AMPD3: variants seen among roughly 807,000 people sequenced by gnomAD.
AMPD3 encodes the protein adenosine monophosphate deaminase 3.
Under a neutral mutation model 82.3 loss-of-function variants are expected in AMPD3, and 57 were observed. The ratio of observed to expected loss-of-function variants is 0.69; its 90% CI spans 0.56 to 0.86. The LOEUF (loss-of-function observed/expected upper bound fraction) is 0.86, where lower values mean the gene tolerates loss of function less well. Ranked by LOEUF, AMPD3 falls within the 40% of genes least tolerant of loss-of-function variation. AMPD3 has a pLI of 0.00. For synonymous variants in AMPD3, 381 were observed against 394.7 expected (o/e 0.97, Z 0.41); for missense variants, 870 against 1,003.8 (o/e 0.87, Z 1.80).
In AMPD3 at chr11:10,496,431, C is replaced by T. The variant is rs915805952; in HGVS notation, c.1431-381C>T. 5.1e-6 allele frequency: 5 copies of T among 985,352 alleles called. No individual in the cohort carries two copies. The African/African-American group carries it at 7.0e-5, about 14-fold the overall frequency. The allele number at this position is 985,352 out of a possible 1,614,324, so 61.0% of individuals were successfully genotyped here. On this transcript the variant is annotated intron_variant, in intron 9 of 14. Transcript: ENST00000396553. ...CCAGGCGGCTGGCCAGGGTGGAGCC[C>T]ATGGCTCCAGGATGGGCTGGGGTAT... is the stretch of plus-strand genomic sequence containing the variant.
intron 2 of AMPD3, chr11:10,477,804 C>G (rs1848783906): frequency 1.1e-6 from 1 of 904,616 alleles, no homozygotes; most frequent in Admixed American, 6.2e-5. Context: ...TGACTTTGTG[C>G]CAGCCCTTTC....
chr11:10,494,582 G>T (rs1849335332), intron 7 of AMPD3: 3 of 985,276 alleles, frequency 3.0e-6, no homozygotes, highest in Non-Finnish European at 3.6e-6. Flanking sequence ...TGTGAGTAGT[G>T]ATAGGGAATG....
chr11:10,453,077 G>C (rs1198280223), upstream of AMPD3, among the ~76,000 whole-genome samples: 5 of 152,184 alleles, frequency 3.3e-5, no homozygotes, highest in African/African-American at 1.2e-4. Flanking sequence ...AGCTTCCCAA[G>C]TAGCTGGGAT....
intron 9 of AMPD3, 110 bp from the exon 10 acceptor site, chr11:10,496,702 T>C: frequency 6.4e-7 from 1 of 1,568,288 alleles, no homozygotes; most frequent in South Asian, 1.1e-5. Context: ...GACTTGATTC[T>C]GGGTGTTTGA....
At chr11:10,498,957 G>C (rs1208654562) in intron 10 of AMPD3, among the ~76,000 whole-genome samples, 1 of 152,230 alleles carries the variant, frequency 6.6e-6, no homozygotes. Flanking sequence ...CAGCCCCCCA[G>C]GGGTCCCAGC....
At chr11:10,475,341 C>A (rs1036290252) in intron 2 of AMPD3, among the ~76,000 whole-genome samples, 2 of 152,138 alleles carry the variant, frequency 1.3e-5, no homozygotes, top group African/African-American at 4.8e-5. Context: ...CACCTCCCAC[C>A]AGCCCCTACC....
rs1467694745 is a variant in AMPD3 at position 10,497,606 on chromosome 11, A to C, written c.1557+668A>C. 3 of 985,288 alleles carry C rather than the reference A, an allele frequency of 3.0e-6. No individual in the cohort carries two copies. The African/African-American group carries it at 5.2e-5, about 17-fold the overall frequency. 61.0% of individuals were successfully genotyped at this position (985,288 alleles called of 1,614,324 possible). On this transcript the variant is annotated intron_variant, in intron 10 of 14. Transcript: ENST00000396553. Reference sequence around the variant, plus strand: ...CCCGAGGGCTGGGGCACGGGGAAAGAATTGAGTCTGTGTGCCCAGAAAGTG... The same window carrying C: ...CCCGAGGGCTGGGGCACGGGGAAAGCATTGAGTCTGTGTGCCCAGAAAGTG...
In AMPD3 at chr11:10,495,712, T is replaced by C; in HGVS notation, c.1409T>C (p.Ile470Thr). The change falls in exon 9 of 15, where the codon ATC (isoleucine) becomes ACC (threonine). Residue 470 changes from isoleucine (I) to threonine (T), a missense_variant. Coordinates refer to ENST00000396553, the MANE Select transcript of AMPD3 (RefSeq NM_001025389.2). ...GTCTACTCTCCCAACATGCGCTGGA[T>C]CATCCAGGTGCCCCGGATTTAGTAA... ...HKVYSPNMRW[I>T]IQVPRIYDIF... is the part of the protein sequence containing the mutation. 1 of 1,614,128 alleles carries C rather than the reference T, an allele frequency of 6.2e-7. No individual in the cohort carries two copies. The highest frequency in any genetic ancestry group is 8.5e-7 in the Non-Finnish European group (1 of 1,180,026).
At chr11:10,483,228 C>A (rs1848966296) in intron 4 of AMPD3, among the ~76,000 whole-genome samples, 1 of 151,988 alleles carries the variant, frequency 6.6e-6, no homozygotes, top group African/African-American at 2.4e-5. Flanking sequence ...TGAAGCCTTG[C>A]CATGAAGAAC....
chr11:10,496,546 GCCACCATC>G, intron 9 of AMPD3: 1 of 985,404 alleles, frequency 1.0e-6, no homozygotes, highest in Non-Finnish European at 1.2e-6. Context: ...CAGCCAGAAT[GCCACCATC>G]CCATTCCTAG....
rs748797134 is a variant in AMPD3, at chr11:10,482,234, C to T, written c.589+9C>T. On this transcript the variant is annotated intron_variant, in intron 4 of 14. Transcript: ENST00000396553. ...GGAAGAGGGCCTTCCAGGTATGGAG[C>T]TCTGGCTGGAGGTTGGGTCCCAAGT... The T allele has an allele frequency of 4.3e-6, 7 of 1,610,656 alleles. No homozygotes were observed. Among genetic ancestry groups the T allele is most frequent in the Non-Finnish European group, 5.9e-6 (7 of 1,178,842 alleles).
chr11:10,460,395 G>A (rs112386492), intron 1 of AMPD3, among the ~76,000 whole-genome samples: 4,628 of 146,004 alleles, frequency 0.032, 237 homozygotes, highest in African/African-American at 0.11. Flanking sequence ...CACCACACCC[G>A]GCCCCAGAGT....
At chr11:10,460,064 ATT>A (rs988237359) in intron 1 of AMPD3, among the ~76,000 whole-genome samples, 8 of 143,560 alleles carry the variant, frequency 5.6e-5, no homozygotes, top group East Asian at 2.0e-4. Context: ...TATAATATAT[ATT>A]ATATATAATA....
At chr11:10,493,668 T>G (rs886770745) in intron 7 of AMPD3, 125 bp downstream of exon 7, 12 of 1,075,148 alleles carry the variant, frequency 1.1e-5, no homozygotes, top group Non-Finnish European at 1.5e-5. Flanking sequence ...CTCTTCTATC[T>G]GACTGAGAGG....
At chr11:10,465,847 C>T (rs1435642184) in intron 2 of AMPD3, among the ~76,000 whole-genome samples, 2 of 149,824 alleles carry the variant, frequency 1.3e-5, no homozygotes, top group African/African-American at 2.5e-5. Flanking sequence ...TTTTCTGTAC[C>T]CCAGTGGCGC....
intron 6 of AMPD3, chr11:10,488,140 C>T (rs1183811104): frequency 3.3e-6 from 3 of 903,454 alleles, no homozygotes; most frequent in Non-Finnish European, 4.0e-6. Flanking sequence ...GGGATGGCAG[C>T]CTTGTCCGGG....
chr11:10,451,786 TGCA>T (rs1233565674), upstream of AMPD3, among the ~76,000 whole-genome samples: 10 of 152,246 alleles, frequency 6.6e-5, no homozygotes, highest in African/African-American at 2.4e-4. Flanking sequence ...TCCCTCAGGA[TGCA>T]GTGACCAACA....
At position 10,487,433 on chromosome 11, in the gene AMPD3, C is replaced by T. The variant is rs570661814; in HGVS notation, c.939+69C>T. On this transcript the variant is annotated intron_variant, in intron 6 of 14. Transcript: ENST00000396553. ...CTCCCAGCCCATGGGATGCCCTGAG[C>T]CAGTCTGAGGCTTGTCCCCTGTGAG... is the stretch of plus-strand genomic sequence containing the variant. The T allele has an allele frequency of 8.7e-6, 14 of 1,604,920 alleles. No individual in the cohort carries two copies. The South Asian group carries it at 1.4e-4, about 16-fold the overall frequency.
At chr11:10,477,059 G>A in intron 2 of AMPD3, 1 of 985,490 alleles carries the variant, frequency 1.0e-6, no homozygotes, top group African/African-American at 1.7e-5. Flanking sequence ...GGCAAGCACT[G>A]GGTGTGTAAA....
Sources: gnomAD v4.1 joint callset for allele counts (sites outside exome capture counted in the v4.1 genomes callset) on GRCh38, gnomAD v4.1.1 for gene constraint, MANE v1.5 for transcripts, NCBI Gene and HGNC (gene_info 2026-07-23, HGNC 2026-07-21) for gene names.